The following RLF variants were observed in gnomAD, a reference collection of about 807,000 sequenced individuals.
RLF encodes the protein RLF zinc finger.
A neutral mutation model predicts 162.9 loss-of-function variants in RLF; 7 were observed. The observed-to-expected ratio is 0.04, with a 90% CI of 0.02 to 0.08. RLF has a LOEUF of 0.08. Ranked by LOEUF, RLF falls within the 10% of genes least tolerant of loss-of-function variation. RLF has a pLI of 1.00. For synonymous variants in RLF, 782 were observed against 791.5 expected (o/e 0.99, Z 0.20); for missense variants, 1,664 against 2,244.7 (o/e 0.74, Z 5.23).
intron 5 of RLF, among the ~76,000 whole-genome samples, chr1:40,211,446 A>G (rs1385599668): frequency 1.3e-5 from 2 of 152,198 alleles, no homozygotes; most frequent in African/African-American, 4.8e-5. Context: ...TCTTGGTGAT[A>G]TATCATTCTG....
intron 4 of RLF, among the ~76,000 whole-genome samples, chr1:40,198,392 C>T (rs1400554633): frequency 1.3e-5 from 2 of 151,378 alleles, no homozygotes; most frequent in Non-Finnish European, 1.5e-5. Flanking sequence ...GCAACCTCCG[C>T]CTCCTGGGTT....
Position 40,239,704 on chromosome 1 carries a change from T to C in RLF, c.5002T>C (p.Tyr1668His). The change falls in exon 8 of 8, where the codon TAC becomes CAC. Residue 1668 changes from tyrosine (Y) to histidine (H), a missense_variant. This residue lies in a region of RLF where 327 missense variants were observed against 342.7 expected (regional missense o/e 0.95). Transcript: ENST00000372771. ...SSVFDADTLL[Y>H]RGTLKCNHSS... ...AGTATTTGATGCAGATACTCTGCTC[T>C]ACAGGGGAACTTTGAAATGTAATCA... 6.2e-7 allele frequency: 1 copy of C among 1,614,240 alleles called. No homozygotes were observed. Among genetic ancestry groups the C allele is most frequent in the Non-Finnish European group, 8.5e-7 (1 of 1,180,044 alleles).
intron 1 of RLF, among the ~76,000 whole-genome samples, chr1:40,175,792 A>G (rs1281511476): frequency 1.3e-5 from 2 of 150,412 alleles, no homozygotes; most frequent in Non-Finnish European, 2.9e-5. Context: ...CTCAAAAAAA[A>G]AAAAAAAAAA....
chr1:40,217,874 TA>T (rs1642945888), intron 5 of RLF, among the ~76,000 whole-genome samples: 1 of 152,196 alleles, frequency 6.6e-6, no homozygotes, highest in Admixed American at 6.5e-5. Flanking sequence ...CACCTTTCTT[TA>T]AAATATGTAT....
chr1:40,238,357 T>A lies in RLF; in HGVS notation c.3655T>A (p.Ser1219Thr). Residue 1219 changes from serine to threonine, a missense_variant, in exon 8 of 8, where the codon TCA becomes ACA. Ser to Thr is a moderately conservative substitution (Grantham distance 58). Transcript: ENST00000372771. This position sits in a 1 kb window ranked among gnomAD's most constrained non-coding sequence, Gnocchi z 5.2. The stretch of plus-strand genomic sequence containing the variant: ...AAAGTGTGATCATGAAGGCCCATGT[T>A]CAGTAGATAGGTTGAAAGGTGATTG... The part of the protein sequence containing the change: ...NEKCDHEGPC[S>T]VDRLKGDCSA... 1.2e-6 allele frequency: 2 copies of A among 1,614,148 alleles called. No individual in the cohort carries two copies. Among genetic ancestry groups the A allele is most frequent in the Non-Finnish European group, 1.7e-6 (2 of 1,180,022 alleles).
intron 6 of RLF, 43 bp from the exon 7 acceptor site, chr1:40,231,474 C>T: frequency 6.3e-7 from 1 of 1,584,718 alleles, no homozygotes; most frequent in East Asian, 2.2e-5. Flanking sequence ...GCAGCAAATA[C>T]CAGTTACTTT....
Position 40,237,030 on chromosome 1 carries a change from T to C in RLF, c.2328T>C (p.Asn776=). 6.2e-7 allele frequency: 1 copy of C among 1,614,158 alleles called. No individual in the cohort carries two copies. Among genetic ancestry groups the C allele is most frequent in the Non-Finnish European group, 8.5e-7 (1 of 1,180,014 alleles). ...ATCTGCGTTACAAATGTGAATTAAA[T>C]GGCTGTAATATTGTTTTCAGTGACT... is the stretch of plus-strand genomic sequence containing the variant. ...HDDLRYKCEL[N]GCNIVFSDLG... The change falls in exon 8 of 8, where the codon AAT becomes AAC. Residue 776 remains asparagine (N), a synonymous_variant. Coordinates refer to ENST00000372771, the MANE Select transcript of RLF (RefSeq NM_012421.4). This position sits in a 1 kb window ranked among gnomAD's most constrained non-coding sequence, Gnocchi z 4.4.
rs150187660 is a variant in RLF, at chr1:40,182,136, T to TA, written c.238-6912dup. 9.5e-3 allele frequency among the ~76,000 whole-genome samples: 1,444 copies of TA among 152,096 alleles called. 22 individuals carry two copies. Among genetic ancestry groups the TA allele is most frequent in the African/African-American group, 0.032 (1,341 of 41,508 alleles). On this transcript the variant is annotated intron_variant, in intron 1 of 7. Coordinates refer to ENST00000372771, the MANE Select transcript of RLF (RefSeq NM_012421.4). ...TATTAAAATGTTCGGTTTAGGCATT[T>TA]AAAAAAACCCTCAAGCGGCCGGCAT...
chr1:40,233,630 A>G (rs1234412572), intron 7 of RLF, among the ~76,000 whole-genome samples: 1 of 151,828 alleles, frequency 6.6e-6, no homozygotes, highest in Non-Finnish European at 1.5e-5. Context: ...AGAGGGAGAA[A>G]CTTCTATATT....
At chr1:40,163,727 C>A (rs1186046643) in intron 1 of RLF, among the ~76,000 whole-genome samples, 2 of 152,114 alleles carry the variant, frequency 1.3e-5, no homozygotes, top group Non-Finnish European at 2.9e-5. Context: ...TGGGTCTTGA[C>A]TGTGACTTTA....
chr1:40,177,484 G>A (rs1465595039), intron 1 of RLF, among the ~76,000 whole-genome samples: 2 of 151,682 alleles, frequency 1.3e-5, no homozygotes, highest in Non-Finnish European at 2.9e-5. Context: ...TAGTAGAGAC[G>A]GGGTTTCATG....
At chr1:40,165,817 C>G (rs753634125) in intron 1 of RLF, among the ~76,000 whole-genome samples, 4 of 152,054 alleles carry the variant, frequency 2.6e-5, no homozygotes, top group Non-Finnish European at 4.4e-5. Flanking sequence ...AAAGTTCAAA[C>G]TTATTAGCTT....
intron 6 of RLF, among the ~76,000 whole-genome samples, chr1:40,230,768 A>G (rs904801998): frequency 1.3e-5 from 2 of 152,134 alleles, no homozygotes; most frequent in Non-Finnish European, 2.9e-5. Context: ...AAGTGATAAC[A>G]TTCTTTTTAG....
intron 3 of RLF, among the ~76,000 whole-genome samples, chr1:40,193,378 C>G (rs889504857): frequency 2.2e-4 from 33 of 152,082 alleles, no homozygotes; most frequent in Admixed American, 1.6e-3. Context: ...GTATTTTGAA[C>G]TTTAACAAAT....
chr1:40,198,301 C>CTTT (rs34816285), intron 4 of RLF, among the ~76,000 whole-genome samples: 2 of 123,806 alleles, frequency 1.6e-5, no homozygotes, highest in Non-Finnish European at 3.3e-5. Context: ...CGCCCGGCCT[C>CTTT]TTTTTTTTTT....
chr1:40,236,243 A>C lies in RLF; in HGVS notation c.1541A>C (p.Tyr514Ser). The C allele has an allele frequency of 1.2e-6, 2 of 1,613,594 alleles. No individual in the cohort carries two copies. Among genetic ancestry groups the C allele is most frequent in the Non-Finnish European group, 1.7e-6 (2 of 1,179,542 alleles). Reference protein sequence around the residue: ...TDVLESFLSDYDEGKEDKQYR... With the variant: ...TDVLESFLSDSDEGKEDKQYR... ...GTTTTAGAGTCATTTCTCAGTGACT[A>C]TGATGAGGGTAAAGAAGATAAACAA... Residue 514 changes from tyrosine to serine, a missense_variant, in exon 8 of 8, where the codon TAT (tyrosine) becomes TCT (serine). This residue lies in a region of RLF where 54 missense variants were observed against 71.7 expected (regional missense o/e 0.75). Coordinates refer to ENST00000372771, the MANE Select transcript of RLF (RefSeq NM_012421.4). This position sits in a 1 kb window ranked among gnomAD's most constrained non-coding sequence, Gnocchi z 7.7.
intron 6 of RLF, among the ~76,000 whole-genome samples, chr1:40,224,961 G>C (rs1402320284): frequency 6.6e-6 from 1 of 151,740 alleles, no homozygotes; most frequent in Non-Finnish European, 1.5e-5. Flanking sequence ...CAGGAGACAA[G>C]AGTGACTCCG....
rs188656641 is a variant in RLF, at chr1:40,185,777, A to G, written c.238-3278A>G. Among the ~76,000 whole-genome samples, 1,176 of 141,592 alleles carry G rather than the reference A, an allele frequency of 8.3e-3. 17 individuals carry two copies. Among genetic ancestry groups the G allele is most frequent in the African/African-American group, 0.029 (1,091 of 37,772 alleles). 92.9% of individuals were successfully genotyped at this position (141,592 alleles called of 152,430 possible). A position where few individuals can be genotyped will look rare whatever the true frequency, so the allele number is the denominator to read the frequency against. ...TGGGAGGTGGAGCTTGCAGTGAGCC[A>G]AGATCGTGCCACTGCACTCTAGCCT... On this transcript the variant is annotated intron_variant, in intron 1 of 7. Transcript: ENST00000372771.
intron 7 of RLF, among the ~76,000 whole-genome samples, chr1:40,233,541 A>G (rs781199935): frequency 3.9e-5 from 6 of 152,172 alleles, no homozygotes; most frequent in Non-Finnish European, 7.3e-5. Flanking sequence ...TCATCCTAAT[A>G]AGTCAAGAGA....
Sources: allele counts gnomAD v4.1 joint callset (sites outside exome capture counted in the v4.1 genomes callset), GRCh38; gene constraint gnomAD v4.1.1; regional missense constraint gnomAD v4.1.1; non-coding constraint Gnocchi (gnomAD v3.1); transcripts MANE v1.5; gene names NCBI Gene and HGNC (gene_info 2026-07-23, HGNC 2026-07-21).